The following EFHC2 variants were observed in gnomAD, a reference collection of about 807,000 sequenced individuals.
The protein encoded by EFHC2 is EF-hand domain-containing family member C2.
EFHC2 carries 18 observed loss-of-function variants against 52.7 expected under a neutral mutation model. That is an observed-to-expected ratio of 0.34 (90% CI 0.24 to 0.51). The LOEUF (loss-of-function observed/expected upper bound fraction) is 0.51. Among genes scored for constraint, EFHC2 ranks in the 20% least tolerant of loss-of-function variants. The probability of loss-of-function intolerance (pLI) is 0.97; values close to 1 mark genes in which losing one functional copy is unlikely to be tolerated. For missense variants in EFHC2, 513 were observed against 562.5 expected, an observed-to-expected ratio of 0.91 and a Z score of 0.89; for synonymous variants, 203 against 204.1, an observed-to-expected ratio of 0.99 and a Z score of 0.04.
At chrX:44,233,949 C>G (rs776597608) in intron 9 of EFHC2, among the ~76,000 whole-genome samples, 1 of 111,539 alleles carries the variant, frequency 9.0e-6, no homozygotes, top group African/African-American at 3.3e-5. Context: ...TCCCTGTCAA[C>G]CTTGTCGAAA....
chrX:44,260,222 G>A (rs905624085), intron 4 of EFHC2, among the ~76,000 whole-genome samples: 4 of 111,190 alleles, frequency 3.6e-5, no homozygotes, highest in African/African-American at 1.3e-4. Flanking sequence ...ACGTGTATTT[G>A]TTAAGACTCA....
intron 10 of EFHC2, among the ~76,000 whole-genome samples, chrX:44,230,301 C>T (rs1021984824): frequency 8.9e-6 from 1 of 111,981 alleles, no homozygotes. Context: ...CTGTTCCTGT[C>T]TCTTATCCTG....
At chrX:44,312,448 G>A in intron 2 of EFHC2, 120 bp downstream of exon 2, 32 of 486,980 alleles carry the variant, frequency 6.6e-5, no homozygotes, top group South Asian at 2.8e-4. Flanking sequence ...AGTAGAAAAG[G>A]CAAAAAGAAA....
intron 1 of EFHC2, among the ~76,000 whole-genome samples, chrX:44,333,381 G>T (rs1175161345): frequency 9.0e-6 from 1 of 110,834 alleles, no homozygotes; most frequent in Non-Finnish European, 1.9e-5. Flanking sequence ...CTGCTATCAG[G>T]CAAGGGGACA....
At chrX:44,301,241 G>C (rs982986691) in intron 2 of EFHC2, among the ~76,000 whole-genome samples, 1 of 108,937 alleles carries the variant, frequency 9.2e-6, no homozygotes, top group Non-Finnish European at 1.9e-5. Flanking sequence ...CCCCACCCAG[G>C]AACAATTCAG....
intron 2 of EFHC2, among the ~76,000 whole-genome samples, chrX:44,300,139 A>G (rs2037858224): frequency 9.0e-6 from 1 of 111,481 alleles, no homozygotes. Flanking sequence ...GGGGGGAAGA[A>G]TACATAAATA....
intron 11 of EFHC2, among the ~76,000 whole-genome samples, chrX:44,215,811 C>A (rs1333402206): frequency 8.9e-6 from 1 of 111,909 alleles, no homozygotes; most frequent in African/African-American, 3.3e-5. Flanking sequence ...AAGAGATTCC[C>A]TACTGTTCTT....
At chrX:44,189,598 G>A (rs2036904691) in intron 11 of EFHC2, among the ~76,000 whole-genome samples, 1 of 111,563 alleles carries the variant, frequency 9.0e-6, no homozygotes, top group Non-Finnish European at 1.9e-5. Context: ...AGAGTTAGAA[G>A]CCCCACCACT....
At chrX:44,248,705 T>C in intron 6 of EFHC2, 98 bp downstream of exon 6, 1 of 675,937 alleles carries the variant, frequency 1.5e-6, no homozygotes, top group Non-Finnish European at 2.3e-6. Context: ...ATCGATTTCA[T>C]TCACAATCTC....
At chrX:44,250,825 G>GA (rs752731813) in intron 4 of EFHC2, among the ~76,000 whole-genome samples, 144 of 46,821 alleles carry the variant, frequency 3.1e-3, no homozygotes, top group Non-Finnish European at 3.4e-3. Context: ...ACTCCATTTC[G>GA]AAAAAAAAAA....
intron 11 of EFHC2, among the ~76,000 whole-genome samples, chrX:44,185,139 A>G (rs769822438): frequency 8.9e-6 from 1 of 112,666 alleles, no homozygotes; most frequent in Non-Finnish European, 1.9e-5. Context: ...GTTGTATTAA[A>G]CTGAAAGCAC....
chrX:44,245,645 A>G (rs1361718047), intron 7 of EFHC2, among the ~76,000 whole-genome samples: 1 of 112,347 alleles, frequency 8.9e-6, no homozygotes, highest in African/African-American at 3.2e-5. Context: ...AATCTATGGA[A>G]TCACCTTCTC....
chrX:44,323,509 A>C (rs751519655), intron 1 of EFHC2, among the ~76,000 whole-genome samples: 1 of 112,014 alleles, frequency 8.9e-6, no homozygotes, highest in African/African-American at 3.2e-5. Context: ...AAAGACACTG[A>C]AACATGTTGA....
chrX:44,231,547 T>C (rs1211561595), intron 10 of EFHC2, among the ~76,000 whole-genome samples: 1 of 108,041 alleles, frequency 9.3e-6, no homozygotes, highest in Non-Finnish European at 1.9e-5. Context: ...CCTCCCCCTT[T>C]ATCCTTCTCA....
At chrX:44,254,431 A>C (rs947730848) in intron 4 of EFHC2, among the ~76,000 whole-genome samples, 5 of 112,289 alleles carry the variant, frequency 4.5e-5, no homozygotes, top group African/African-American at 1.6e-4. Flanking sequence ...AACATAAATG[A>C]CCTGATGGAG....
intron 3 of EFHC2, 136 bp downstream of exon 3, chrX:44,272,550 A>C (rs1285976583): frequency 1.7e-6 from 1 of 584,584 alleles, no homozygotes; most frequent in Admixed American, 4.4e-5. Flanking sequence ...CGCTAATGGC[A>C]TGTTTATATT....
At chrX:44,293,237 G>C (rs1324120639) in intron 2 of EFHC2, among the ~76,000 whole-genome samples, 1 of 110,879 alleles carries the variant, frequency 9.0e-6, no homozygotes, top group Non-Finnish European at 1.9e-5. Context: ...GCATTCTGCT[G>C]GATGGCTTTC....
At chrX:44,271,989 C>T (rs1443080875) in intron 3 of EFHC2, among the ~76,000 whole-genome samples, 1 of 112,123 alleles carries the variant, frequency 8.9e-6, no homozygotes, top group Non-Finnish European at 1.9e-5. Flanking sequence ...TAGTTGCTGT[C>T]CCCTGAAGTC....
At chrX:44,174,626 A>T (rs1450100199) in intron 13 of EFHC2, among the ~76,000 whole-genome samples, 1 of 90,450 alleles carries the variant, frequency 1.1e-5, no homozygotes, top group African/African-American at 4.1e-5. Context: ...CTGATGAAAT[A>T]GCAAGGGAAA....
Sources: gnomAD v4.1 joint callset for allele counts (sites outside exome capture counted in the v4.1 genomes callset) on GRCh38, gnomAD v4.1.1 for gene constraint, MANE v1.5 for transcripts, NCBI Gene and HGNC (gene_info 2026-07-23, HGNC 2026-07-21) for gene names.